The following ATP8A2 variants were observed in gnomAD, a reference collection of about 807,000 sequenced individuals.
ATP8A2 encodes the protein phospholipid-transporting ATPase IB.
In ATP8A2, 100 loss-of-function variants were observed where a neutral mutation model predicts 165.6. The observed-to-expected ratio is 0.60, with a 90% confidence interval of 0.51 to 0.71. The LOEUF is 0.71. Among genes scored for constraint, ATP8A2 ranks in the 30% least tolerant of loss-of-function variants. The pLI, the probability that ATP8A2 is intolerant of heterozygous loss-of-function variation, is 0.00. For synonymous variants in ATP8A2, 543 were observed against 548.8 expected (o/e 0.99, Z 0.15); for missense variants, 1,227 against 1,479.5 (o/e 0.83, Z 2.80).
At chr13:25,425,629 C>G (rs565444499) in intron 1 of ATP8A2, among the ~76,000 whole-genome samples, 27 of 151,260 alleles carry the variant, frequency 1.8e-4, no homozygotes, top group African/African-American at 5.8e-4. Context: ...GGCTGGAGTG[C>G]AATGGCACAA....
At chr13:25,477,669 G>C (rs535701021) in intron 2 of ATP8A2, among the ~76,000 whole-genome samples, 1 of 152,296 alleles carries the variant, frequency 6.6e-6, no homozygotes, top group African/African-American at 2.4e-5. Flanking sequence ...AGGTGTGGTG[G>C]CTCACACCTG....
chr13:25,908,937 A>G (rs1378093470), intron 33 of ATP8A2, among the ~76,000 whole-genome samples: 1 of 152,248 alleles, frequency 6.6e-6, no homozygotes, highest in Non-Finnish European at 1.5e-5. Flanking sequence ...TTTGGATGAT[A>G]AGAGGAGCAA....
At chr13:25,705,036 T>C (rs959414591) in intron 25 of ATP8A2, 10 of 265,006 alleles carry the variant, frequency 3.8e-5, no homozygotes, top group Non-Finnish European at 5.9e-5. Context: ...CATAAAGTCT[T>C]GTAGGATTTG....
In ATP8A2 at chr13:25,874,822, G is replaced by A. The variant is rs191868836; in HGVS notation, c.3183+12414G>A. ...AGGTAGACACACAATTCAAATGCCCGTTAGAAGATACATGGATGAACAAAA... is the reference window on the plus strand; with the variant it reads ...AGGTAGACACACAATTCAAATGCCCATTAGAAGATACATGGATGAACAAAA... On this transcript the variant is annotated intron_variant, in intron 33 of 36. Transcript: ENST00000381655. Among the ~76,000 whole-genome samples the A allele has an allele frequency of 1.4e-4, 22 of 152,244 alleles. No individual in the cohort carries two copies. In the East Asian group the frequency reaches 1.5e-3, roughly 11 times the overall value.
intron 2 of ATP8A2, among the ~76,000 whole-genome samples, chr13:25,473,081 G>A (rs182374371): frequency 6.6e-6 from 1 of 152,320 alleles, no homozygotes; most frequent in East Asian, 1.9e-4. Context: ...AAGCAGGAGT[G>A]AGGTCCCCTC....
At chr13:25,687,664 G>T (rs2042631262) in intron 24 of ATP8A2, among the ~76,000 whole-genome samples, 2 of 152,114 alleles carry the variant, frequency 1.3e-5, no homozygotes, top group Non-Finnish European at 2.9e-5. Context: ...TTAGAGATTG[G>T]CTCCTTTTTC....
At chr13:25,632,696 A>G (rs1315587480) in intron 24 of ATP8A2, among the ~76,000 whole-genome samples, 3 of 152,140 alleles carry the variant, frequency 2.0e-5, no homozygotes, top group Non-Finnish European at 4.4e-5. Flanking sequence ...GGCCTTAGGT[A>G]AAGACAGAAT....
intron 24 of ATP8A2, among the ~76,000 whole-genome samples, chr13:25,656,511 G>A (rs138100954): frequency 6.6e-6 from 1 of 151,884 alleles, no homozygotes; most frequent in Non-Finnish European, 1.5e-5. Flanking sequence ...CCTGACCTCA[G>A]ATCTGCCCAC....
intron 27 of ATP8A2, among the ~76,000 whole-genome samples, chr13:25,784,709 C>A (rs2044978557): frequency 6.6e-6 from 1 of 151,974 alleles, no homozygotes; most frequent in African/African-American, 2.4e-5. Context: ...TGAAATCTTT[C>A]CCGGTGTAAT....
chr13:25,425,661 G>A (rs959432320), intron 1 of ATP8A2, among the ~76,000 whole-genome samples: 1 of 151,384 alleles, frequency 6.6e-6, no homozygotes, highest in Non-Finnish European at 1.5e-5. Context: ...TGCAACCTCT[G>A]CCTCCTGGGT....
chr13:25,981,656 T>TA (rs1956172303), intron 35 of ATP8A2, among the ~76,000 whole-genome samples: 4 of 152,186 alleles, frequency 2.6e-5, no homozygotes, highest in Non-Finnish European at 4.4e-5. Context: ...TAAATATTTT[T>TA]TAAAAATATT....
At chr13:25,838,045 G>A (rs1951663981) in intron 29 of ATP8A2, among the ~76,000 whole-genome samples, 1 of 152,200 alleles carries the variant, frequency 6.6e-6, no homozygotes, top group South Asian at 2.1e-4. Flanking sequence ...TGTGAGCATG[G>A]CTGCACGGCC....
intron 26 of ATP8A2, among the ~76,000 whole-genome samples, chr13:25,771,647 G>A (rs2044621752): frequency 1.3e-5 from 2 of 152,256 alleles, no homozygotes; most frequent in Admixed American, 6.5e-5. Context: ...GGGTTTTCTT[G>A]CCCCTCCAGC....
At chr13:25,387,142 G>A (rs780579002) in intron 1 of ATP8A2, among the ~76,000 whole-genome samples, 7 of 152,164 alleles carry the variant, frequency 4.6e-5, no homozygotes, top group Non-Finnish European at 7.3e-5. Context: ...GTGAATAACC[G>A]GAGAAACATT....
At chr13:25,441,353 T>G (rs2034927010) in intron 1 of ATP8A2, among the ~76,000 whole-genome samples, 1 of 152,216 alleles carries the variant, frequency 6.6e-6, no homozygotes, top group Non-Finnish European at 1.5e-5. Flanking sequence ...AGGTATTGCT[T>G]TTGGCAATTG....
chr13:25,860,386 TC>T (rs1952311629), intron 31 of ATP8A2, 130 bp downstream of exon 31: 8 of 575,010 alleles, frequency 1.4e-5, no homozygotes, highest in Middle Eastern at 4.5e-4. Context: ...ATTTTATATA[TC>T]CTTCAAAGTT....
intron 33 of ATP8A2, among the ~76,000 whole-genome samples, chr13:25,914,408 A>G (rs975234738): frequency 2.6e-5 from 4 of 152,212 alleles, no homozygotes; most frequent in African/African-American, 9.6e-5. Flanking sequence ...TTGGCCACCT[A>G]AACATCAACA....
chr13:25,758,670 A>G (rs1057100098), intron 25 of ATP8A2, among the ~76,000 whole-genome samples: 21 of 152,208 alleles, frequency 1.4e-4, no homozygotes, highest in African/African-American at 5.1e-4. Context: ...CACCACATCT[A>G]TCTGAAATCC....
At chr13:25,485,212 T>G (rs145216165) in intron 2 of ATP8A2, among the ~76,000 whole-genome samples, 71 of 152,332 alleles carry the variant, frequency 4.7e-4, no homozygotes, top group African/African-American at 1.7e-3. Context: ...ACACTACACC[T>G]ATTTCAACAA....
Sources: gnomAD v4.1 joint callset for allele counts (sites outside exome capture counted in the v4.1 genomes callset) on GRCh38, gnomAD v4.1.1 for gene constraint, MANE v1.5 for transcripts, NCBI Gene and HGNC (gene_info 2026-07-23, HGNC 2026-07-21) for gene names.